Variants in CNTNAP2 observed in about 807,000 individuals in gnomAD.
CNTNAP2 encodes contactin-associated protein-like 2.
Under a neutral mutation model 155.2 loss-of-function variants are expected in CNTNAP2, and 98 were observed. The ratio of observed to expected loss-of-function variants is 0.63; its 90% CI spans 0.54 to 0.75. The LOEUF (loss-of-function observed/expected upper bound fraction) is 0.75. Ranked by LOEUF, CNTNAP2 falls within the 30% of genes least tolerant of loss-of-function variation. The pLI is 0.00. For synonymous variants in CNTNAP2, 651 were observed against 631.2 expected, an observed-to-expected ratio of 1.03 and a Z score of -0.47; for missense variants, 1,727 against 1,688.1, an observed-to-expected ratio of 1.02 and a Z score of -0.40.
intron 8 of CNTNAP2, among the ~76,000 whole-genome samples, chr7:147,148,196 C>T (rs973275538): frequency 1.3e-5 from 2 of 151,552 alleles, no homozygotes; most frequent in African/African-American, 4.9e-5. Flanking sequence ...CGAGACCATC[C>T]CGGCTAAAAC....
intron 1 of CNTNAP2, among the ~76,000 whole-genome samples, chr7:146,176,108 A>G (rs1045609804): frequency 2.6e-5 from 4 of 152,198 alleles, no homozygotes; most frequent in African/African-American, 9.7e-5. Flanking sequence ...CTTCTTTTAC[A>G]TGTCAGAATA....
At chr7:146,681,068 T>A (rs1014335610) in intron 1 of CNTNAP2, among the ~76,000 whole-genome samples, 2 of 151,896 alleles carry the variant, frequency 1.3e-5, no homozygotes, top group African/African-American at 4.8e-5. Context: ...TCTAAAATAA[T>A]CCTAGTGGCA....
chr7:147,740,589 A>G (rs1796941082), intron 13 of CNTNAP2, among the ~76,000 whole-genome samples: 1 of 152,254 alleles, frequency 6.6e-6, no homozygotes, highest in Admixed American at 6.5e-5. Flanking sequence ...AGTCCAAGGT[A>G]GGGTTTATGA....
chr7:146,290,812 A>T (rs1008123477), intron 1 of CNTNAP2, among the ~76,000 whole-genome samples: 1 of 152,242 alleles, frequency 6.6e-6, no homozygotes, highest in Non-Finnish European at 1.5e-5. Flanking sequence ...ATTAAAACAT[A>T]TAGAATCCCT....
At chr7:148,317,162 C>G (rs1797705802) in intron 21 of CNTNAP2, among the ~76,000 whole-genome samples, 1 of 152,182 alleles carries the variant, frequency 6.6e-6, no homozygotes, top group South Asian at 2.1e-4. Context: ...TTGAGACCAT[C>G]CTGACCAACA....
intron 12 of CNTNAP2, among the ~76,000 whole-genome samples, chr7:147,571,022 TTATC>T (rs1303277266): frequency 1.3e-5 from 2 of 152,228 alleles, no homozygotes; most frequent in African/African-American, 2.4e-5. Flanking sequence ...TACTTCTTAA[TTATC>T]TAACTAATGC....
At chr7:148,141,970 C>T (rs774567477) in intron 16 of CNTNAP2, among the ~76,000 whole-genome samples, 20 of 152,072 alleles carry the variant, frequency 1.3e-4, no homozygotes, top group Non-Finnish European at 2.5e-4. Flanking sequence ...GGAGTACAGA[C>T]ATCTCTTTCA....
intron 1 of CNTNAP2, among the ~76,000 whole-genome samples, chr7:146,288,381 A>C (rs1056958073): frequency 6.6e-6 from 1 of 152,006 alleles, no homozygotes; most frequent in Non-Finnish European, 1.5e-5. Flanking sequence ...TAGAAAAGTT[A>C]ATTGTTTTTG....
chr7:146,351,462 A>T (rs1053237812), intron 1 of CNTNAP2, among the ~76,000 whole-genome samples: 10 of 152,180 alleles, frequency 6.6e-5, no homozygotes, highest in African/African-American at 2.4e-4. Flanking sequence ...AAAATGCTTC[A>T]TGTTGTATTT....
intron 1 of CNTNAP2, among the ~76,000 whole-genome samples, chr7:146,298,888 A>G (rs149247490): frequency 2.0e-5 from 3 of 152,302 alleles, no homozygotes; most frequent in African/African-American, 7.2e-5. Flanking sequence ...TTTGCGTGCT[A>G]GCACCTCCAT....
intron 12 of CNTNAP2, among the ~76,000 whole-genome samples, chr7:147,611,894 G>A (rs1211972857): frequency 1.3e-5 from 2 of 152,122 alleles, no homozygotes; most frequent in East Asian, 3.8e-4. Flanking sequence ...TGCATGAAGT[G>A]TTTCTCATAT....
intron 1 of CNTNAP2, among the ~76,000 whole-genome samples, chr7:146,226,077 A>T (rs1297581675): frequency 6.6e-6 from 1 of 152,186 alleles, no homozygotes; most frequent in East Asian, 1.9e-4. Flanking sequence ...TCTTAGAACA[A>T]TTCCCAACTT....
chr7:146,283,120 A>T (rs527538839), intron 1 of CNTNAP2, among the ~76,000 whole-genome samples: 86 of 152,322 alleles, frequency 5.6e-4, no homozygotes, highest in African/African-American at 2.0e-3. Flanking sequence ...GTTCTCTTCA[A>T]TACAAGCTAA....
intron 1 of CNTNAP2, among the ~76,000 whole-genome samples, chr7:146,240,472 A>G (rs1031752642): frequency 1.3e-5 from 2 of 151,958 alleles, no homozygotes; most frequent in African/African-American, 4.8e-5. Flanking sequence ...AATCAGAACC[A>G]TATTTGCTAA....
chr7:146,251,306 G>A (rs1799753254), intron 1 of CNTNAP2, among the ~76,000 whole-genome samples: 2 of 149,664 alleles, frequency 1.3e-5, no homozygotes, highest in African/African-American at 5.1e-5. Flanking sequence ...TTTTATACAA[G>A]TTACAATTAT....
intron 8 of CNTNAP2, among the ~76,000 whole-genome samples, chr7:147,197,298 T>C (rs1222445856): frequency 3.9e-5 from 6 of 152,144 alleles, no homozygotes; most frequent in Admixed American, 2.0e-4. Flanking sequence ...CAGTAAATTC[T>C]GTAAACTGGC....
intron 18 of CNTNAP2, among the ~76,000 whole-genome samples, chr7:148,199,926 G>C (rs1241821459): frequency 6.6e-6 from 1 of 152,316 alleles, no homozygotes; most frequent in Non-Finnish European, 1.5e-5. Flanking sequence ...GGGACAACTG[G>C]TGTGAGTCCT....
At chr7:146,930,362 A>C (rs1356069403) in intron 3 of CNTNAP2, among the ~76,000 whole-genome samples, 1 of 152,090 alleles carries the variant, frequency 6.6e-6, no homozygotes. Context: ...AAGGAGAAAT[A>C]AAATCCTTTA....
intron 9 of CNTNAP2, among the ~76,000 whole-genome samples, chr7:147,311,764 G>A (rs985546170): frequency 6.6e-6 from 1 of 152,096 alleles, no homozygotes; most frequent in Admixed American, 6.5e-5. Context: ...CTCTATGACA[G>A]AACAAGTAGG....
Sources: allele counts gnomAD v4.1 joint callset (sites outside exome capture counted in the v4.1 genomes callset), GRCh38; gene constraint gnomAD v4.1.1; transcripts MANE v1.5; gene names NCBI Gene and HGNC (gene_info 2026-07-23, HGNC 2026-07-21).